Variants in PRDX1 observed in about 807,000 individuals in gnomAD.
PRDX1 encodes the protein peroxiredoxin 1, also known as peroxiredoxin-1.
A neutral mutation model predicts 20.7 loss-of-function variants in PRDX1; 19 were observed. The ratio of observed to expected loss-of-function variants is 0.92; its 90% CI spans 0.64 to 1.35. The LOEUF is 1.35. Ranked by LOEUF, PRDX1 falls within the 40% of genes most tolerant of loss-of-function variation. The pLI is 0.00. For missense variants in PRDX1, 226 were observed against 240.0 expected (o/e 0.94, Z 0.38); for synonymous variants, 89 against 83.9 (o/e 1.06, Z -0.33).
chr1:45,518,879 A>T (rs1643883844), intron 2 of PRDX1, 59 bp downstream of exon 2: 16 of 1,398,854 alleles, frequency 1.1e-5, no homozygotes, highest in Non-Finnish European at 1.5e-5. Context: ...AAATCTAACA[A>T]GCCACCCCTA....
chr1:45,518,442 G>C (rs1239107749), intron 2 of PRDX1, among the ~76,000 whole-genome samples: 1 of 143,472 alleles, frequency 7.0e-6, no homozygotes, highest in Non-Finnish European at 1.5e-5. Flanking sequence ...ACTCTAGCCT[G>C]GGCAACAAGA....
intron 5 of PRDX1, 167 bp from the exon 6 acceptor site, chr1:45,511,581 A>G: frequency 2.2e-6 from 1 of 451,134 alleles, no homozygotes; most frequent in East Asian, 3.4e-5. Context: ...CCATTTTACA[A>G]ACATATAATC....
chr1:45,514,243 T>C (rs1643815219), intron 5 of PRDX1, among the ~76,000 whole-genome samples: 1 of 152,120 alleles, frequency 6.6e-6, no homozygotes, highest in African/African-American at 2.4e-5. Flanking sequence ...TCTCCACTAT[T>C]ATCCTATGAC....
rs1361477590 is a variant in PRDX1, at chr1:45,511,331, A to C, written c.598T>G (p.Ter200GlyextTer85). 6.2e-7 allele frequency: 1 copy of C among 1,610,200 alleles called. No individual in the cohort carries two copies. The highest frequency in any genetic ancestry group is 8.5e-7 in the Non-Finnish European group (1 of 1,178,048). Reference sequence around the variant, plus strand: ...CTGGCACTAAAACAGCCCAGCGCTCACTTCTGCTTGGAGAAATATTCTTTG... The same window carrying C: ...CTGGCACTAAAACAGCCCAGCGCTCCCTTCTGCTTGGAGAAATATTCTTTG... ...KSKEYFSKQK[*>G] The change falls in exon 6 of 6, where the codon TGA becomes GGA. Residue 200 changes from the stop codon to glycine, a stop_lost. Coordinates refer to ENST00000319248, the MANE Select transcript of PRDX1 (RefSeq NM_181697.3).
chr1:45,521,804 C>A (rs1643916413), intron 1 of PRDX1, 25 bp downstream of exon 1: 1 of 152,754 alleles, frequency 6.5e-6, no homozygotes. Context: ...CCTCACTCCG[C>A]AGGGGCCGCA....
At chr1:45,522,195 A>G (rs1439834477), upstream of PRDX1, among the ~76,000 whole-genome samples, 1 of 152,150 alleles carries the variant, frequency 6.6e-6, no homozygotes, top group Non-Finnish European at 1.5e-5. Flanking sequence ...ACCACTACGC[A>G]CTGTGCCCTC....
chr1:45,520,858 C>T (rs1427703258), intron 1 of PRDX1, among the ~76,000 whole-genome samples: 2 of 152,032 alleles, frequency 1.3e-5, no homozygotes, highest in East Asian at 3.9e-4. Context: ...AAGCCGAGAC[C>T]GCGCCACTGC....
chr1:45,519,650 C>G (rs972090766), intron 1 of PRDX1, among the ~76,000 whole-genome samples: 2 of 152,160 alleles, frequency 1.3e-5, no homozygotes, highest in Admixed American at 6.5e-5. Flanking sequence ...GGCTGGAATG[C>G]AATGGCATTA....
intron 2 of PRDX1, among the ~76,000 whole-genome samples, chr1:45,517,661 A>T (rs1643872956): frequency 6.6e-6 from 1 of 151,922 alleles, no homozygotes; most frequent in Non-Finnish European, 1.5e-5. Context: ...GGGCGCCTGT[A>T]GTCCCAGCTA....
chr1:45,519,786 C>A (rs6664588), intron 1 of PRDX1, among the ~76,000 whole-genome samples: 9,828 of 152,140 alleles, frequency 0.065, 1,029 homozygotes, highest in African/African-American at 0.22. Context: ...CTATTAGAGA[C>A]GGGATTTCTC....
At chr1:45,519,583 TTTTA>T (rs1475683032) in intron 1 of PRDX1, among the ~76,000 whole-genome samples, 1 of 152,130 alleles carries the variant, frequency 6.6e-6, no homozygotes, top group African/African-American at 2.4e-5. Context: ...ATTCAACTTG[TTTTA>T]TTTGTTTTTG....
chr1:45,514,473 A>C, intron 5 of PRDX1, 34 bp downstream of exon 5: 1 of 1,612,284 alleles, frequency 6.2e-7, no homozygotes, highest in Non-Finnish European at 8.5e-7. Context: ...TCATACCACC[A>C]CTCTGTTGTC....
chr1:45,516,415 G>A (rs531574820), intron 2 of PRDX1, among the ~76,000 whole-genome samples: 2 of 152,180 alleles, frequency 1.3e-5, no homozygotes, highest in African/African-American at 4.8e-5. Flanking sequence ...CTTGACCCCA[G>A]GAGTTTGAGG....
intron 4 of PRDX1, 100 bp from the exon 5 acceptor site, chr1:45,514,737 C>T (rs1557613294): frequency 6.4e-7 from 1 of 1,573,532 alleles, no homozygotes; most frequent in Non-Finnish European, 8.7e-7. Context: ...GGTCTCCACA[C>T]TCCTACTGGC....
rs1439404625 is a variant in PRDX1, at chr1:45,515,821, C to G, written c.107-14G>C. Reference sequence around the variant, plus strand: ...CAACATATTTTCCTGGGGGGAAAATCGGAGTCATGGTTAGCATTTGACACA... The same window carrying G: ...CAACATATTTTCCTGGGGGGAAAATGGGAGTCATGGTTAGCATTTGACACA... On this transcript the variant is annotated splice_polypyrimidine_tract_variant and intron_variant, in intron 2 of 5. Transcript: ENST00000319248. The G allele has an allele frequency of 7.8e-6, 12 of 1,544,708 alleles. No homozygotes were observed. The East Asian group carries it at 2.6e-4, about 34-fold the overall frequency.
chr1:45,515,097 G>T, intron 3 of PRDX1, 102 bp from the exon 4 acceptor site: 1 of 1,509,960 alleles, frequency 6.6e-7, no homozygotes, highest in East Asian at 2.3e-5. Context: ...TTTCCAAAAA[G>T]ACTGTTTTTT....
chr1:45,511,406 C>A lies in PRDX1; in HGVS notation c.523G>T (p.Ala175Ser), dbSNP rs1643741191. 5 of 1,612,798 alleles carry A rather than the reference C, an allele frequency of 3.1e-6. No individual in the cohort carries two copies. The Admixed American group carries it at 8.4e-5, about 27-fold the overall frequency. Residue 175 changes from alanine (A) to serine (S), a missense_variant, in exon 6 of 6, where the codon GCT becomes TCT. Transcript: ENST00000319248. ...FTDKHGEVCP[A>S]GWKPGSDTIK... Reference sequence around the variant, plus strand: ...GTATCACTGCCAGGTTTCCAGCCAGCTGGGCACACTGCAAGAGAAAGGCAC... The same window carrying A: ...GTATCACTGCCAGGTTTCCAGCCAGATGGGCACACTGCAAGAGAAAGGCAC...
chr1:45,520,725 A>AG (rs1183253708), intron 1 of PRDX1, among the ~76,000 whole-genome samples: 1 of 66,172 alleles, frequency 1.5e-5, no homozygotes, highest in African/African-American at 5.0e-5. Context: ...CTCCGTCTCA[A>AG]AAAAAAAAAA....
intron 2 of PRDX1, 66 bp downstream of exon 2, chr1:45,518,872 T>C: frequency 1.5e-6 from 2 of 1,370,198 alleles, no homozygotes; most frequent in Non-Finnish European, 2.0e-6. Flanking sequence ...TTGACACAAA[T>C]CTAACAAGCC....
Sources: gnomAD v4.1 joint callset for allele counts (sites outside exome capture counted in the v4.1 genomes callset) on GRCh38, gnomAD v4.1.1 for gene constraint, MANE v1.5 for transcripts, NCBI Gene and HGNC (gene_info 2026-07-23, HGNC 2026-07-21) for gene names.